Variants in ABCC4 observed in about 807,000 individuals in gnomAD.
The protein encoded by ABCC4 is ATP-binding cassette sub-family C member 4.
A neutral mutation model predicts 168.5 loss-of-function variants in ABCC4; 102 were observed. The ratio of observed to expected loss-of-function variants is 0.61; its 90% CI spans 0.52 to 0.71. ABCC4 has a LOEUF of 0.71. Ranked by LOEUF, ABCC4 falls within the 30% of genes least tolerant of loss-of-function variation. The pLI, the probability that ABCC4 is intolerant of heterozygous loss-of-function variation, is 0.00. For missense variants in ABCC4, 1,402 were observed against 1,605.8 expected (o/e 0.87, Z 2.17); for synonymous variants, 617 against 590.7 (o/e 1.04, Z -0.65).
chr13:95,260,551 T>C (rs1168096590), intron 1 of ABCC4, among the ~76,000 whole-genome samples: 1 of 151,998 alleles, frequency 6.6e-6, no homozygotes, highest in Non-Finnish European at 1.5e-5. Context: ...AGGGACACAG[T>C]TTGAGCAAAC....
chr13:95,194,909 T>C lies in ABCC4; in HGVS notation c.1190A>G (p.Gln397Arg), dbSNP rs1210874730. The change falls in exon 9 of 31, where the codon CAG becomes CGG. Residue 397 changes from glutamine (Q) to arginine (R), a missense_variant. Coordinates refer to ENST00000645237, the MANE Select transcript of ABCC4 (RefSeq NM_005845.5). ...ATCTGACGGCAGCTGACGGTTGCGCTGTGATATCTCATCAAGTAGCAAAAA... is the reference window on the plus strand; with the variant it reads ...ATCTGACGGCAGCTGACGGTTGCGCCGTGATATCTCATCAAGTAGCAAAAA... ...QTFLLLDEISQRNRQLPSDGK... is the reference protein window; with the variant it reads ...QTFLLLDEISRRNRQLPSDGK... 1 of 1,614,124 alleles carries C rather than the reference T, an allele frequency of 6.2e-7. No homozygotes were observed. The highest frequency in any genetic ancestry group is 2.2e-5 in the East Asian group (1 of 44,876).
intron 3 of ABCC4, among the ~76,000 whole-genome samples, chr13:95,242,891 C>CA (rs2039985714): frequency 6.6e-6 from 1 of 152,004 alleles, no homozygotes; most frequent in South Asian, 2.1e-4. Context: ...AAAAAAAATC[C>CA]AAGGATTACT....
chr13:95,240,066 T>C (rs889486518), intron 3 of ABCC4, among the ~76,000 whole-genome samples: 2 of 151,830 alleles, frequency 1.3e-5, no homozygotes, highest in Non-Finnish European at 2.9e-5. Context: ...GGGGGGAAAA[T>C]AAAACCTGAA....
chr13:95,127,064 A>T (rs1363854629), intron 19 of ABCC4, among the ~76,000 whole-genome samples: 1 of 151,624 alleles, frequency 6.6e-6, no homozygotes, highest in Admixed American at 6.6e-5. Context: ...TCAAACCATC[A>T]TCTTCATCTT....
At chr13:95,028,840 GA>G (rs67308757) in intron 30 of ABCC4, among the ~76,000 whole-genome samples, 67,327 of 151,700 alleles carry the variant, frequency 0.44, 15,457 homozygotes, top group Admixed American at 0.55. Context: ...GTACAGAGTG[GA>G]AAAAGTATAA....
intron 20 of ABCC4, 88 bp downstream of exon 20, chr13:95,115,834 G>T (rs2035357886): frequency 9.5e-7 from 1 of 1,055,976 alleles, no homozygotes; most frequent in South Asian, 1.4e-5. Context: ...CAGGCCGAGA[G>T]TCCCACCCCC....
chr13:95,083,792 G>A (rs1651157119), intron 20 of ABCC4, among the ~76,000 whole-genome samples: 1 of 152,060 alleles, frequency 6.6e-6, no homozygotes, highest in African/African-American at 2.4e-5. Context: ...CAAAGTGCTG[G>A]AATTATGAGC....
At chr13:95,206,352 A>G (rs1330737763) in intron 8 of ABCC4, among the ~76,000 whole-genome samples, 180 bp downstream of exon 8, 1 of 152,186 alleles carries the variant, frequency 6.6e-6, no homozygotes, top group Non-Finnish European at 1.5e-5. Flanking sequence ...CAATGCTTGC[A>G]TTGTCTTTAC....
chr13:95,050,165 A>G (rs1259944699), intron 27 of ABCC4, among the ~76,000 whole-genome samples: 1 of 152,216 alleles, frequency 6.6e-6, no homozygotes, highest in African/African-American at 2.4e-5. Flanking sequence ...ATCTCTCAAG[A>G]TAAACACACA....
rs137969547 is a variant in ABCC4 at position 95,023,099 on chromosome 13, T to C, written c.3871-1417A>G. 2.5e-3 allele frequency among the ~76,000 whole-genome samples: 381 copies of C among 152,340 alleles called. 1 individual carries two copies. The highest frequency in any genetic ancestry group is 3.2e-3 in the Non-Finnish European group (219 of 68,030). On this transcript the variant is annotated intron_variant, in intron 30 of 30. Coordinates refer to ENST00000645237, the MANE Select transcript of ABCC4 (RefSeq NM_005845.5). The stretch of plus-strand genomic sequence containing the variant: ...AGATTTATGTACTCCAAAAAGGCTA[T>C]TCTGTAGTGAAACTAAAAACAGCCA...
At chr13:95,203,617 C>T (rs2038694707) in intron 8 of ABCC4, among the ~76,000 whole-genome samples, 2 of 151,990 alleles carry the variant, frequency 1.3e-5, no homozygotes, top group Non-Finnish European at 2.9e-5. Context: ...CTCGGCCTCC[C>T]AAAGTGCTGC....
chr13:95,120,659 C>T (rs71433006), intron 19 of ABCC4, among the ~76,000 whole-genome samples: 14,474 of 151,406 alleles, frequency 0.096, 953 homozygotes, highest in Middle Eastern at 0.14. Flanking sequence ...CCCTCAGGTA[C>T]CCATAGTTGA....
At chr13:95,068,187 G>A (rs1215916519) in intron 25 of ABCC4, among the ~76,000 whole-genome samples, 1 of 152,188 alleles carries the variant, frequency 6.6e-6, no homozygotes, top group Non-Finnish European at 1.5e-5. Flanking sequence ...CAAAGGGACT[G>A]CCTGAGATCC....
intron 20 of ABCC4, among the ~76,000 whole-genome samples, chr13:95,092,990 A>T (rs565374951): frequency 7.2e-5 from 11 of 152,296 alleles, no homozygotes; most frequent in South Asian, 2.1e-4. Context: ...AGCTTAAATC[A>T]GGAAGAATTA....
chr13:95,247,163 A>G, intron 2 of ABCC4, 68 bp from the exon 3 acceptor site: 4 of 1,527,286 alleles, frequency 2.6e-6, no homozygotes, highest in South Asian at 1.2e-5. Flanking sequence ...GGGAGATGGC[A>G]GAGTGACAGG....
At position 95,034,708 on chromosome 13, in the gene ABCC4, T is replaced by C. The variant is rs756956177; in HGVS notation, c.3767A>G (p.Asp1256Gly). Residue 1256 changes from aspartate (D) to glycine (G), a missense_variant, in exon 30 of 31, where the codon GAT (aspartate) becomes GGT (glycine). Asp to Gly is a moderately conservative substitution (Grantham distance 94). Around this residue, in one of 3 missense-constraint regions of ABCC4, gnomAD observed 1,007 missense variants for 1,127.3 expected, o/e 0.89. Coordinates refer to ENST00000645237, the MANE Select transcript of ABCC4 (RefSeq NM_005845.5). ...VLDSGRLKEY[D>G]EPYVLLQNKE... is the part of the protein sequence containing the mutation. ...ATTTTGCAGCAAAACATACGGCTCATCATATTCTTTCAGTCTTCCTGAATC... is the reference window on the plus strand; with the variant it reads ...ATTTTGCAGCAAAACATACGGCTCACCATATTCTTTCAGTCTTCCTGAATC... 1 of 1,614,228 alleles carries C rather than the reference T, an allele frequency of 6.2e-7. No homozygotes were observed. Among genetic ancestry groups the C allele is most frequent in the South Asian group, 1.1e-5 (1 of 91,080 alleles).
chr13:95,261,950 T>C (rs76146063), intron 1 of ABCC4, among the ~76,000 whole-genome samples: 1 of 150,930 alleles, frequency 6.6e-6, no homozygotes, highest in Non-Finnish European at 1.5e-5. Context: ...AAAAAAAAAA[T>C]TTAATTGGCT....
intron 19 of ABCC4, among the ~76,000 whole-genome samples, chr13:95,131,232 G>A (rs1208541483): frequency 6.6e-6 from 1 of 152,174 alleles, no homozygotes; most frequent in Admixed American, 6.5e-5. Flanking sequence ...ATTTTCAAGT[G>A]TAGGATTAAA....
At chr13:95,206,944 G>A (rs560005386) in intron 7 of ABCC4, among the ~76,000 whole-genome samples, 163 bp from the exon 8 acceptor site, 139 of 152,144 alleles carry the variant, frequency 9.1e-4, no homozygotes, top group Non-Finnish European at 1.6e-3. Context: ...AAAGGTGAGA[G>A]GTGGCCAGGA....
Sources: gnomAD v4.1 joint callset for allele counts (sites outside exome capture counted in the v4.1 genomes callset) on GRCh38, gnomAD v4.1.1 for gene constraint, gnomAD v4.1.1 regional missense constraint, MANE v1.5 for transcripts, NCBI Gene and HGNC (gene_info 2026-07-23, HGNC 2026-07-21) for gene names.